CYP19A1: variants seen among roughly 807,000 people sequenced by gnomAD.
CYP19A1 encodes cytochrome P450 family 19 subfamily A member 1.
CYP19A1 carries 32 observed loss-of-function variants against 44.4 expected under a neutral mutation model. That is an observed-to-expected ratio of 0.72 (90% CI 0.54 to 0.97). The LOEUF (loss-of-function observed/expected upper bound fraction) is 0.97, where lower values mean the gene tolerates loss of function less well. Ranked by LOEUF, CYP19A1 falls within the 50% of genes least tolerant of loss-of-function variation. CYP19A1 has a pLI of 0.00. For synonymous variants in CYP19A1, 212 were observed against 215.6 expected (o/e 0.98, Z 0.14); for missense variants, 598 against 637.8 (o/e 0.94, Z 0.67).
At chr15:51,234,159 G>T (rs2033229566) in intron 3 of CYP19A1, among the ~76,000 whole-genome samples, 1 of 152,208 alleles carries the variant, frequency 6.6e-6, no homozygotes, top group African/African-American at 2.4e-5. Flanking sequence ...GAGGTACGGG[G>T]AGTGCTGGAA....
intron 1 of CYP19A1, chr15:51,255,858 C>T (rs1006610895): frequency 6.6e-6 from 1 of 152,190 alleles, no homozygotes; most frequent in Admixed American, 6.5e-5. Context: ...TGCTAAAGAG[C>T]TCTCTTTTCA....
chr15:51,310,290 A>C (rs565472999), intron 1 of CYP19A1, among the ~76,000 whole-genome samples: 28 of 152,340 alleles, frequency 1.8e-4, no homozygotes, highest in African/African-American at 4.8e-4. Flanking sequence ...AAAGAAGTCA[A>C]AATTTGCTGA....
chr15:51,267,764 C>A (rs2034978725), intron 1 of CYP19A1, among the ~76,000 whole-genome samples: 2 of 152,208 alleles, frequency 1.3e-5, no homozygotes, highest in Admixed American at 1.3e-4. Context: ...AGATTCCAAG[C>A]GGGACCCCTT....
chr15:51,211,191 C>G, intron 9 of CYP19A1, 135 bp from the exon 10 acceptor site: 1 of 699,730 alleles, frequency 1.4e-6, no homozygotes, highest in South Asian at 1.5e-5. Context: ...TCCATCCCCT[C>G]AGATGAACAA....
At chr15:51,277,045 G>C (rs2035337341) in intron 1 of CYP19A1, 1 of 151,690 alleles carries the variant, frequency 6.6e-6, no homozygotes, top group African/African-American at 2.4e-5. Context: ...GAAAGAGAAA[G>C]AAAGAAAAAA....
intron 1 of CYP19A1, among the ~76,000 whole-genome samples, chr15:51,243,334 G>C (rs1245833236): frequency 3.3e-5 from 5 of 152,148 alleles, no homozygotes; most frequent in Non-Finnish European, 5.9e-5. Flanking sequence ...AGCAGGTTTT[G>C]TTTAGGCAAT....
chr15:51,289,009 A>C (rs2035779294), intron 1 of CYP19A1, among the ~76,000 whole-genome samples: 1 of 152,220 alleles, frequency 6.6e-6, no homozygotes, highest in Non-Finnish European at 1.5e-5. Flanking sequence ...ATGATGGTGA[A>C]CTAAGTGCGG....
At chr15:51,211,109 GTC>G (rs2030930701) in intron 9 of CYP19A1, 53 bp from the exon 10 acceptor site, 1 of 1,257,820 alleles carries the variant, frequency 8.0e-7, no homozygotes, top group Admixed American at 1.7e-5. Flanking sequence ...GAGTCACTCA[GTC>G]TCTGTTTGAT....
At chr15:51,285,458 G>A (rs1179593839) in intron 1 of CYP19A1, among the ~76,000 whole-genome samples, 3 of 152,090 alleles carry the variant, frequency 2.0e-5, no homozygotes, top group Admixed American at 6.5e-5. Flanking sequence ...TAGCTGTGGC[G>A]GTTTTACAAA....
At position 51,243,059 on chromosome 15, in the gene CYP19A1, T is replaced by G. The variant is rs190936306; in HGVS notation, c.-38-109A>C. 897 of 744,638 alleles carry G rather than the reference T, an allele frequency of 1.2e-3. 5 individuals carry two copies. The African/African-American group carries it at 0.014, about 11-fold the overall frequency. 46.1% of individuals were successfully genotyped at this position (744,638 alleles called of 1,614,324 possible). A position where few individuals can be genotyped will look rare whatever the true frequency, so the allele number is the denominator to read the frequency against. On this transcript the variant is annotated intron_variant, in intron 1 of 9. Transcript: ENST00000396402. ...CAGTACAGATTCACTTACTGTTTTA[T>G]AATGTGATCAGACATTTAGGCAAGA...
intron 1 of CYP19A1, among the ~76,000 whole-genome samples, chr15:51,284,464 T>C (rs1298192973): frequency 6.6e-6 from 1 of 152,198 alleles, no homozygotes; most frequent in Non-Finnish European, 1.5e-5. Flanking sequence ...GAAGGGACAA[T>C]TCAGTCTATT....
In CYP19A1 at chr15:51,216,017, G is replaced by T. The variant is rs771746674; in HGVS notation, c.744-200C>A. 143 of 1,098,560 alleles carry T rather than the reference G, an allele frequency of 1.3e-4. 1 individual carries two copies. The highest frequency in any genetic ancestry group is 1.6e-4 in the Non-Finnish European group (132 of 804,596). The allele number at this position is 1,098,560 out of a possible 1,614,324, so 68.1% of individuals were successfully genotyped here. A position where few individuals can be genotyped will look rare whatever the true frequency, so the allele number is the denominator to read the frequency against. ...CTACACTTCATGTTAAGGTGCCAGA[G>T]TTAGCTAAGATTTCTGGATACTGGT... On this transcript the variant is annotated intron_variant, in intron 6 of 9. Coordinates refer to ENST00000396402, the MANE Select transcript of CYP19A1 (RefSeq NM_000103.4).
chr15:51,248,554 C>A (rs1259394310), intron 1 of CYP19A1, among the ~76,000 whole-genome samples: 1 of 152,190 alleles, frequency 6.6e-6, no homozygotes, highest in East Asian at 1.9e-4. Flanking sequence ...TTCCTCACAC[C>A]TCTTACAGAG....
intron 1 of CYP19A1, among the ~76,000 whole-genome samples, chr15:51,301,148 C>T (rs2036103191): frequency 6.6e-6 from 1 of 152,166 alleles, no homozygotes; most frequent in African/African-American, 2.4e-5. Context: ...TTGAGGCAAC[C>T]TACTGGGGGC....
In CYP19A1 at chr15:51,236,301, T is replaced by G. The variant is rs530681333; in HGVS notation, c.296+558A>C. On this transcript the variant is annotated intron_variant, in intron 3 of 9. Transcript: ENST00000396402. ...CCAAGGTCGGCTTACCATCTGCTCT[T>G]TTAGAGGTGCTCAGTTGCTTGGCAG... Among the ~76,000 whole-genome samples, 4 of 152,334 alleles carry G rather than the reference T, an allele frequency of 2.6e-5. No individual in the cohort carries two copies. In the East Asian group the frequency reaches 7.7e-4, roughly 29 times the overall value.
chr15:51,208,506 A>C lies in CYP19A1; in HGVS notation c.*2302T>G, dbSNP rs1378174399. The C allele has an allele frequency of 6.6e-6, 1 of 151,822 alleles. No individual in the cohort carries two copies. The highest frequency in any genetic ancestry group is 1.5e-5 in the Non-Finnish European group (1 of 67,926). The allele number at this position is 151,822 out of a possible 1,614,324, so 9.4% of individuals were successfully genotyped here. A position where few individuals can be genotyped will look rare whatever the true frequency, so the allele number is the denominator to read the frequency against. ...GCACATTCAAGAGTGACGGTTAAGC[A>C]CTTAACAATGGGGCAAAATTCTGAA... On this transcript the variant is annotated 3_prime_UTR_variant, in exon 10 of 10. Coordinates refer to ENST00000396402, the MANE Select transcript of CYP19A1 (RefSeq NM_000103.4).
In CYP19A1 at chr15:51,274,002, G is replaced by C. The variant is rs1375112703; in HGVS notation, c.-38-31052C>G. On this transcript the variant is annotated intron_variant, in intron 1 of 9. Coordinates refer to ENST00000396402, the MANE Select transcript of CYP19A1 (RefSeq NM_000103.4). ...AGCCTGGGCCACAGAGTGAAATTTTGTCACACACACACACACACACACACA... is the reference window on the plus strand; with the variant it reads ...AGCCTGGGCCACAGAGTGAAATTTTCTCACACACACACACACACACACACA... 7.7e-5 allele frequency among the ~76,000 whole-genome samples: 7 copies of C among 90,710 alleles called. 2 individuals carry two copies. The South Asian group carries it at 2.3e-3, about 30-fold the overall frequency. The allele number at this position is 90,710 out of a possible 152,430, so 59.5% of individuals were successfully genotyped here. A position where few individuals can be genotyped will look rare whatever the true frequency, so the allele number is the denominator to read the frequency against.
chr15:51,231,868 C>T lies in CYP19A1; in HGVS notation c.297-3935G>A, dbSNP rs143988013. Among the ~76,000 whole-genome samples, 12 of 152,164 alleles carry T rather than the reference C, an allele frequency of 7.9e-5. No homozygotes were observed. The East Asian group carries it at 1.9e-3, about 25-fold the overall frequency. On this transcript the variant is annotated intron_variant, in intron 3 of 9. Transcript: ENST00000396402. ...AGAATCTCCACAATCCCCAACGACCCGGACCTGTGCCCATATATTCCACCT... is the reference window on the plus strand; with the variant it reads ...AGAATCTCCACAATCCCCAACGACCTGGACCTGTGCCCATATATTCCACCT...
intron 1 of CYP19A1, among the ~76,000 whole-genome samples, chr15:51,315,545 T>C (rs572589456): frequency 1.3e-4 from 20 of 152,364 alleles, no homozygotes; most frequent in Admixed American, 1.3e-3. Context: ...TACTGTTGTA[T>C]ACCCAGTTAT....
Sources: allele counts gnomAD v4.1 joint callset (sites outside exome capture counted in the v4.1 genomes callset), GRCh38; gene constraint gnomAD v4.1.1; transcripts MANE v1.5; gene names NCBI Gene and HGNC (gene_info 2026-07-23, HGNC 2026-07-21).